The following DCC variants were observed in gnomAD, a reference collection of about 807,000 sequenced individuals.
DCC encodes netrin receptor DCC.
Under a neutral mutation model 172.5 loss-of-function variants are expected in DCC, and 58 were observed. That is an observed-to-expected ratio of 0.34 (90% CI 0.27 to 0.42). The LOEUF (loss-of-function observed/expected upper bound fraction) is 0.42. Ranked by LOEUF, DCC falls within the 10% of genes least tolerant of loss-of-function variation. The pLI is 1.00. For synonymous variants in DCC, 709 were observed against 644.5 expected (o/e 1.10, Z -1.52); for missense variants, 1,740 against 1,791.0 (o/e 0.97, Z 0.51).
intron 1 of DCC, among the ~76,000 whole-genome samples, chr18:52,741,181 G>A (rs555055952): frequency 4.0e-4 from 61 of 152,104 alleles, no homozygotes; most frequent in Non-Finnish European, 6.5e-4. Flanking sequence ...TTTGAGCTAC[G>A]CTCATCTCAT....
At chr18:52,512,171 C>T (rs1008332660) in intron 1 of DCC, among the ~76,000 whole-genome samples, 4 of 152,246 alleles carry the variant, frequency 2.6e-5, no homozygotes, top group Admixed American at 6.5e-5. Context: ...TAGGACTCAC[C>T]GATCCAACTA....
chr18:53,437,496 T>C (rs1191809680), intron 22 of DCC, among the ~76,000 whole-genome samples: 1 of 136,318 alleles, frequency 7.3e-6, no homozygotes, highest in Non-Finnish European at 1.5e-5. Context: ...AACAGGAGAA[T>C]CACTTGAACC....
At chr18:53,008,323 G>C (rs2041675718) in intron 5 of DCC, among the ~76,000 whole-genome samples, 1 of 151,890 alleles carries the variant, frequency 6.6e-6, no homozygotes. Flanking sequence ...CTTAATTATA[G>C]TTCTGTTGGT....
chr18:53,388,226 A>G (rs1226472908), intron 16 of DCC, among the ~76,000 whole-genome samples: 2 of 152,254 alleles, frequency 1.3e-5, no homozygotes, highest in African/African-American at 4.8e-5. Flanking sequence ...CAAAAAGGAA[A>G]GAAAACACTT....
chr18:53,247,631 G>C (rs891677528), intron 12 of DCC, among the ~76,000 whole-genome samples: 2 of 151,932 alleles, frequency 1.3e-5, no homozygotes, highest in Admixed American at 6.6e-5. Context: ...ATTTAATGTA[G>C]CTATTAAACG....
At chr18:52,693,021 T>TC (rs1432619859) in intron 1 of DCC, among the ~76,000 whole-genome samples, 2 of 152,152 alleles carry the variant, frequency 1.3e-5, no homozygotes, top group African/African-American at 2.4e-5. Flanking sequence ...CACGTGACTT[T>TC]CCCTCTCTCC....
At chr18:53,011,080 T>G (rs1386029273) in intron 5 of DCC, among the ~76,000 whole-genome samples, 1 of 151,456 alleles carries the variant, frequency 6.6e-6, no homozygotes, top group African/African-American at 2.4e-5. Flanking sequence ...CTGATGAAGC[T>G]ACTCTTTAAA....
intron 1 of DCC, among the ~76,000 whole-genome samples, chr18:52,346,044 C>T (rs183223823): frequency 1.5e-4 from 23 of 152,228 alleles, no homozygotes; most frequent in African/African-American, 5.3e-4. Flanking sequence ...AAAAACATTT[C>T]TTAATAATAT....
intron 2 of DCC, among the ~76,000 whole-genome samples, chr18:52,896,498 T>G (rs948310720): frequency 5.3e-5 from 8 of 152,292 alleles, no homozygotes; most frequent in Admixed American, 3.3e-4. Flanking sequence ...TCATTCTAAC[T>G]TTCACATACA....
chr18:52,949,525 C>A (rs1454829423), intron 5 of DCC, among the ~76,000 whole-genome samples: 1 of 152,046 alleles, frequency 6.6e-6, no homozygotes, highest in Non-Finnish European at 1.5e-5. Flanking sequence ...TTCTATTTTC[C>A]CCTAATTTGT....
chr18:52,778,318 C>T (rs1236908743), intron 2 of DCC, among the ~76,000 whole-genome samples: 8 of 152,068 alleles, frequency 5.3e-5, no homozygotes, highest in Non-Finnish European at 1.2e-4. Context: ...AGTTGCATGC[C>T]TTGGGAATGT....
chr18:53,406,233 T>C (rs1909640762), intron 19 of DCC, among the ~76,000 whole-genome samples: 1 of 152,160 alleles, frequency 6.6e-6, no homozygotes, highest in Non-Finnish European at 1.5e-5. Flanking sequence ...TTTGTCTCCC[T>C]TTTGTAAAAT....
At chr18:52,532,426 A>G (rs183532056) in intron 1 of DCC, among the ~76,000 whole-genome samples, 27 of 152,246 alleles carry the variant, frequency 1.8e-4, no homozygotes, top group Admixed American at 1.2e-3. Context: ...ATTGTTGCCA[A>G]TTGTTCTGTG....
intron 2 of DCC, among the ~76,000 whole-genome samples, chr18:52,900,528 C>T (rs1183598467): frequency 6.6e-6 from 1 of 152,072 alleles, no homozygotes; most frequent in Non-Finnish European, 1.5e-5. Context: ...GATGCTGAAG[C>T]CCAGGCACTT....
At chr18:52,491,912 G>A (rs1333081327) in intron 1 of DCC, among the ~76,000 whole-genome samples, 1 of 151,986 alleles carries the variant, frequency 6.6e-6, no homozygotes, top group Non-Finnish European at 1.5e-5. Context: ...GAGCGCAGAG[G>A]AGTGGTCTTC....
At chr18:53,383,463 T>C (rs1369853393) in intron 15 of DCC, among the ~76,000 whole-genome samples, 2 of 150,042 alleles carry the variant, frequency 1.3e-5, no homozygotes, top group Non-Finnish European at 3.0e-5. Flanking sequence ...TCTGAGGGAG[T>C]CTCTTCAAAT....
chr18:53,169,713 C>G (rs1411410466), intron 8 of DCC, among the ~76,000 whole-genome samples: 1 of 152,082 alleles, frequency 6.6e-6, no homozygotes, highest in East Asian at 1.9e-4. Flanking sequence ...CCTGCCGCTT[C>G]CACAGGAGTT....
intron 15 of DCC, among the ~76,000 whole-genome samples, chr18:53,349,293 T>C (rs558940799): frequency 3.3e-5 from 5 of 152,204 alleles, no homozygotes; most frequent in African/African-American, 1.2e-4. Context: ...AACAAGTTCC[T>C]CATTTCCATC....
chr18:52,695,744 G>A (rs1040235747), intron 1 of DCC, among the ~76,000 whole-genome samples: 30 of 152,142 alleles, frequency 2.0e-4, no homozygotes, highest in African/African-American at 6.3e-4. Context: ...TTTCAAGAAA[G>A]GTTCTTCTCC....
Sources: gnomAD v4.1 joint callset for allele counts (sites outside exome capture counted in the v4.1 genomes callset) on GRCh38, gnomAD v4.1.1 for gene constraint, MANE v1.5 for transcripts, NCBI Gene and HGNC (gene_info 2026-07-23, HGNC 2026-07-21) for gene names.